Variants in NINJ2 observed in about 807,000 individuals in gnomAD.
NINJ2 encodes ninjurin 2.
In NINJ2, 12 loss-of-function variants were observed where a neutral mutation model predicts 11.7. The observed-to-expected ratio is 1.02, with a 90% confidence interval of 0.66 to 1.66. The LOEUF (loss-of-function observed/expected upper bound fraction) is 1.66. Ranked by LOEUF, NINJ2 falls within the 40% of genes most tolerant of loss-of-function variation. The pLI, the probability that NINJ2 is intolerant of heterozygous loss-of-function variation, is 0.00. For missense variants in NINJ2, 187 were observed against 181.8 expected (o/e 1.03, Z -0.16); for synonymous variants, 93 against 76.8 (o/e 1.21, Z -1.10).
intron 1 of NINJ2, among the ~76,000 whole-genome samples, chr12:646,526 G>A (rs747012512): frequency 1.6e-4 from 25 of 152,236 alleles, no homozygotes; most frequent in Admixed American, 4.6e-4. Context: ...ATTAAATTAC[G>A]TAGATCACCG....
At chr12:588,135 A>G (rs1947666091) in intron 1 of NINJ2, among the ~76,000 whole-genome samples, 1 of 152,094 alleles carries the variant, frequency 6.6e-6, no homozygotes, top group Non-Finnish European at 1.5e-5. Context: ...TCAATTTACA[A>G]GACAGCAAAA....
intron 1 of NINJ2, among the ~76,000 whole-genome samples, chr12:615,728 C>T (rs1030964663): frequency 2.6e-4 from 39 of 152,336 alleles, no homozygotes; most frequent in African/African-American, 8.9e-4. Context: ...TCCACTAGTA[C>T]AGCACGTACC....
At chr12:621,545 G>A (rs148457131) in intron 1 of NINJ2, among the ~76,000 whole-genome samples, 2 of 152,154 alleles carry the variant, frequency 1.3e-5, no homozygotes, top group East Asian at 3.9e-4. Context: ...GAGAGCCTGG[G>A]CACAGTGGTT....
At chr12:565,011 G>C (rs2535410) in intron 3 of NINJ2, among the ~76,000 whole-genome samples, 5,073 of 152,328 alleles carry the variant, frequency 0.033, 251 homozygotes, top group African/African-American at 0.1. Context: ...ACCTGAGCCT[G>C]AGAGCAGAGA....
intron 1 of NINJ2, among the ~76,000 whole-genome samples, chr12:648,988 ATCTATCTG>A (rs897223347): frequency 6.7e-6 from 1 of 149,932 alleles, no homozygotes; most frequent in African/African-American, 2.5e-5. Context: ...CTATCTATCT[ATCTATCTG>A]TCTATCTATC....
At chr12:644,879 T>C (rs530626342) in intron 1 of NINJ2, 2 of 151,844 alleles carry the variant, frequency 1.3e-5, no homozygotes, top group African/African-American at 4.8e-5. Context: ...CTGGCCCCAG[T>C]GGGTTTGGAT....
rs1947561889 is a variant in NINJ2 at position 581,944 on chromosome 12, G to A, written c.34-15766C>T. Among the ~76,000 whole-genome samples the A allele has an allele frequency of 6.6e-6, 1 of 152,210 alleles. No homozygotes were observed. The highest frequency in any genetic ancestry group is 2.1e-4 in the South Asian group (1 of 4,838). On this transcript the variant is annotated intron_variant, in intron 1 of 3. Coordinates refer to ENST00000305108, the MANE Select transcript of NINJ2 (RefSeq NM_016533.6). This position sits in a 1 kb window ranked among gnomAD's most constrained non-coding sequence, Gnocchi z 4.9. ...CTGAACACACAAAAAGCCCAGCCCT[G>A]GAGGGATTCCAATCCACAGCCTCTC... is the stretch of plus-strand genomic sequence containing the variant.
At chr12:623,129 G>A (rs574991378) in intron 1 of NINJ2, among the ~76,000 whole-genome samples, 1 of 152,296 alleles carries the variant, frequency 6.6e-6, no homozygotes, top group East Asian at 1.9e-4. Flanking sequence ...TCAGCTCAAG[G>A]CTAGCTTCTC....
chr12:632,158 C>T (rs573428405), intron 1 of NINJ2: 1 of 152,128 alleles, frequency 6.6e-6, no homozygotes, highest in Non-Finnish European at 1.5e-5. Context: ...AGTCTGAACT[C>T]GGGCTCAGGA....
chr12:644,192 G>A (rs1937638018), intron 1 of NINJ2: 1 of 154,112 alleles, frequency 6.5e-6, no homozygotes, highest in Non-Finnish European at 1.5e-5. Flanking sequence ...TGCTTATTAT[G>A]TAACAGACAT....
chr12:591,159 T>C lies in NINJ2; in HGVS notation c.34-24981A>G, dbSNP rs1193795286. ...TCAAAATGGTATGACAGTCCCTAGGTTCTCTGGCTCCTGTTTCTGGATTCA... is the reference window on the plus strand; with the variant it reads ...TCAAAATGGTATGACAGTCCCTAGGCTCTCTGGCTCCTGTTTCTGGATTCA... On this transcript the variant is annotated intron_variant, in intron 1 of 3. Transcript: ENST00000305108. The surrounding 1 kb of genome is among the most constrained non-coding windows in gnomAD (Gnocchi z 5.0). 6.6e-6 allele frequency: 1 copy of C among 152,270 alleles called. No homozygotes were observed. The highest frequency in any genetic ancestry group is 1.9e-4 in the East Asian group (1 of 5,200). The allele number at this position is 152,270 out of a possible 1,614,324, so 9.4% of individuals were successfully genotyped here. A position where few individuals can be genotyped will look rare whatever the true frequency, so the allele number is the denominator to read the frequency against.
intron 1 of NINJ2, among the ~76,000 whole-genome samples, chr12:577,433 A>AT (rs1947479510): frequency 7.1e-6 from 1 of 139,974 alleles, no homozygotes; most frequent in Admixed American, 7.4e-5. Context: ...ATATATACAT[A>AT]TATATATATA....
At chr12:643,730 C>T in intron 1 of NINJ2, 3 of 958,150 alleles carry the variant, frequency 3.1e-6, no homozygotes, top group Non-Finnish European at 3.7e-6. Flanking sequence ...CACATCTTTT[C>T]TGGAACTCGC....
chr12:568,885 C>T (rs957208054), intron 1 of NINJ2, among the ~76,000 whole-genome samples: 1 of 126,680 alleles, frequency 7.9e-6, no homozygotes, highest in African/African-American at 3.6e-5. Flanking sequence ...CACCCCCCCC[C>T]CCCCGCCCCC....
intron 1 of NINJ2, among the ~76,000 whole-genome samples, chr12:579,263 G>A (rs1947512489): frequency 6.6e-6 from 1 of 152,194 alleles, no homozygotes; most frequent in Non-Finnish European, 1.5e-5. Context: ...AGAAAGGGAA[G>A]GTGGTGAATT....
intron 1 of NINJ2, chr12:644,811 T>C (rs1937650649): frequency 6.6e-6 from 1 of 152,222 alleles, no homozygotes; most frequent in Non-Finnish European, 1.5e-5. Context: ...GATACGGGTA[T>C]ATTTTAATGC....
chr12:601,360 C>T (rs528768494), intron 1 of NINJ2, among the ~76,000 whole-genome samples: 2 of 147,682 alleles, frequency 1.4e-5, no homozygotes, highest in African/African-American at 2.5e-5. Context: ...TCCTGGCTAA[C>T]ACAGTGAAAC....
intron 1 of NINJ2, among the ~76,000 whole-genome samples, chr12:656,103 G>A (rs1200487772): frequency 3.3e-5 from 5 of 151,774 alleles, no homozygotes; most frequent in Non-Finnish European, 5.9e-5. Context: ...AGTGGCTCGC[G>A]CCTGTAATCC....
At chr12:638,240 T>G (rs1197262137) in intron 1 of NINJ2, among the ~76,000 whole-genome samples, 3 of 152,158 alleles carry the variant, frequency 2.0e-5, no homozygotes, top group African/African-American at 7.2e-5. Context: ...CTTCTTGTGT[T>G]GAGTAATTTT....
Sources: gnomAD v4.1 joint callset for allele counts (sites outside exome capture counted in the v4.1 genomes callset) on GRCh38, gnomAD v4.1.1 for gene constraint, Gnocchi (gnomAD v3.1) non-coding constraint, MANE v1.5 for transcripts, NCBI Gene and HGNC (gene_info 2026-07-23, HGNC 2026-07-21) for gene names.